ARHGAP8: variants seen among roughly 807,000 people sequenced by gnomAD.
ARHGAP8 encodes rho GTPase-activating protein 8.
In ARHGAP8, 62 loss-of-function variants were observed where a neutral mutation model predicts 46.1. The observed-to-expected ratio is 1.34, with a 90% CI of 1.10 to 1.66. The LOEUF (loss-of-function observed/expected upper bound fraction) is 1.66, where lower values mean the gene tolerates loss of function less well. Among genes scored for constraint, ARHGAP8 ranks in the 40% most tolerant of loss-of-function variants. The pLI, the probability that ARHGAP8 is intolerant of heterozygous loss-of-function variation, is 0.00. For missense variants in ARHGAP8, 923 were observed against 568.4 expected, an observed-to-expected ratio of 1.62 and a Z score of -6.34; for synonymous variants, 375 against 243.1, an observed-to-expected ratio of 1.54 and a Z score of -5.05.
At chr22:44,809,450 T>G (rs1381367334) in intron 4 of ARHGAP8, 6 of 351,254 alleles carry the variant, frequency 1.7e-5, no homozygotes, top group African/African-American at 1.3e-4. Flanking sequence ...AGCCTCTTCT[T>G]GCTTTCACAG....
chr22:44,854,098 G>A (rs2070163468), intron 10 of ARHGAP8, among the ~76,000 whole-genome samples: 2 of 139,698 alleles, frequency 1.4e-5, no homozygotes, highest in South Asian at 4.8e-4. Context: ...GTAGATTTGA[G>A]AGAATTCCTC....
chr22:44,861,379 A>G (rs1043396043), intron 11 of ARHGAP8, among the ~76,000 whole-genome samples: 1 of 152,184 alleles, frequency 6.6e-6, no homozygotes, highest in Non-Finnish European at 1.5e-5. Flanking sequence ...TTATCACCCC[A>G]GTGGCACCTG....
At chr22:44,816,996 C>T (rs140948730) in intron 5 of ARHGAP8, among the ~76,000 whole-genome samples, 2,785 of 151,802 alleles carry the variant, frequency 0.018, 95 homozygotes, top group African/African-American at 0.064. Context: ...AGCGATTCTC[C>T]TGCCTCAGCC....
At chr22:44,835,400 A>G (rs1411568236) in intron 7 of ARHGAP8, among the ~76,000 whole-genome samples, 5 of 152,076 alleles carry the variant, frequency 3.3e-5, no homozygotes, top group Non-Finnish European at 2.9e-5. Flanking sequence ...TGGGCGGATC[A>G]CGAGATCGAG....
At chr22:44,861,071 T>C (rs888500511) in intron 11 of ARHGAP8, among the ~76,000 whole-genome samples, 1 of 152,202 alleles carries the variant, frequency 6.6e-6, no homozygotes, top group African/African-American at 2.4e-5. Flanking sequence ...TGGTGCAATC[T>C]CAGCTCACTG....
chr22:44,807,403 G>A (rs756538257), intron 3 of ARHGAP8, among the ~76,000 whole-genome samples: 1 of 150,838 alleles, frequency 6.6e-6, no homozygotes, highest in Non-Finnish European at 1.5e-5. Context: ...ACACCATAGG[G>A]GGTGGCGGGC....
At chr22:44,772,313 A>G (rs1302795941) in intron 1 of ARHGAP8, among the ~76,000 whole-genome samples, 1 of 128,918 alleles carries the variant, frequency 7.8e-6, no homozygotes, top group African/African-American at 2.9e-5. Flanking sequence ...GCTCACTGCA[A>G]ACTACACTGA....
intron 1 of ARHGAP8, among the ~76,000 whole-genome samples, chr22:44,760,079 T>C (rs1355112496): frequency 6.6e-6 from 1 of 152,232 alleles, no homozygotes. Context: ...GACAAGGTCC[T>C]GATGCAGGTC....
At chr22:44,786,629 T>C (rs1170141620) in intron 2 of ARHGAP8, 23 bp downstream of exon 2, 1 of 1,608,470 alleles carries the variant, frequency 6.2e-7, no homozygotes, top group East Asian at 2.2e-5. Flanking sequence ...CTGGGCAGTC[T>C]GCAGGACCAT....
intron 5 of ARHGAP8, among the ~76,000 whole-genome samples, chr22:44,818,277 C>G (rs936442988): frequency 6.6e-6 from 1 of 151,958 alleles, no homozygotes; most frequent in Non-Finnish European, 1.5e-5. Context: ...GGTGAAACCC[C>G]GTCTCTACTA....
intron 2 of ARHGAP8, among the ~76,000 whole-genome samples, chr22:44,795,922 C>G (rs1928052850): frequency 6.6e-6 from 1 of 152,160 alleles, no homozygotes; most frequent in Non-Finnish European, 1.5e-5. Flanking sequence ...CCTCCTGTGT[C>G]CTCTCCCCTG....
At chr22:44,859,550 A>C (rs1445873898) in intron 10 of ARHGAP8, 181 bp from the exon 11 acceptor site, 1 of 628,420 alleles carries the variant, frequency 1.6e-6, no homozygotes, top group East Asian at 2.8e-5. Context: ...AGAATAGCCA[A>C]ACACACAGGT....
Position 44,767,236 on chromosome 22 carries a change from C to T in ARHGAP8, c.-72+14609C>T, listed in dbSNP as rs745343708. Among the ~76,000 whole-genome samples, 8 of 152,222 alleles carry T rather than the reference C, an allele frequency of 5.3e-5. No individual in the cohort carries two copies. The South Asian group carries it at 6.2e-4, about 12-fold the overall frequency. On this transcript the variant is annotated intron_variant, in intron 1 of 11. Transcript: ENST00000356099. Reference sequence around the variant, plus strand: ...GCTCCCTCCCTCCTTCCCGCTTTCCCGTGACTACAGAAACATTTCAGAAAT... The same window carrying T: ...GCTCCCTCCCTCCTTCCCGCTTTCCTGTGACTACAGAAACATTTCAGAAAT...
At chr22:44,752,676 C>T (rs1198916177) in intron 1 of ARHGAP8, 49 bp downstream of exon 1, 4 of 24,588 alleles carry the variant, frequency 1.6e-4, no homozygotes, top group Non-Finnish European at 2.4e-4. Context: ...AGGCCGTGCT[C>T]GGGGTGGGGG....
rs1455877086 is a variant in ARHGAP8 at position 44,786,610 on chromosome 22, G to C, written c.79+4G>C. 1 of 1,612,522 alleles carries C rather than the reference G, an allele frequency of 6.2e-7. No individual in the cohort carries two copies. Among genetic ancestry groups the C allele is most frequent in the East Asian group, 2.2e-5 (1 of 44,834 alleles). ...CATGGCATTCTGCAGGTGGCAGGTA[G>C]GGCCCCAGCTGGGCAGTCTGCAGGA... is the stretch of plus-strand genomic sequence containing the variant. On this transcript the variant is annotated splice_donor_region_variant and intron_variant, in intron 2 of 11. Coordinates refer to ENST00000356099, the MANE Select transcript of ARHGAP8 (RefSeq NM_181335.3).
At chr22:44,753,995 T>G (rs1446211952) in intron 1 of ARHGAP8, among the ~76,000 whole-genome samples, 2 of 152,166 alleles carry the variant, frequency 1.3e-5, no homozygotes, top group East Asian at 3.9e-4. Flanking sequence ...TGACTAACCA[T>G]TCCCCAAACC....
chr22:44,758,111 G>C (rs1437084445), intron 1 of ARHGAP8, among the ~76,000 whole-genome samples: 1 of 152,106 alleles, frequency 6.6e-6, no homozygotes, highest in Admixed American at 6.5e-5. Context: ...TGCAGGGAGG[G>C]CAGGTCTCTT....
At chr22:44,775,591 G>A (rs1024693431) in intron 1 of ARHGAP8, among the ~76,000 whole-genome samples, 3 of 152,114 alleles carry the variant, frequency 2.0e-5, no homozygotes, top group African/African-American at 7.2e-5. Flanking sequence ...GGGATTACAG[G>A]CATGTGCCAC....
At chr22:44,803,063 T>C (rs959603904) in intron 3 of ARHGAP8, among the ~76,000 whole-genome samples, 4 of 152,036 alleles carry the variant, frequency 2.6e-5, no homozygotes, top group Admixed American at 2.6e-4. Flanking sequence ...ATGTGAGACT[T>C]TGGATAGATA....
Sources: gnomAD v4.1 joint callset for allele counts (sites outside exome capture counted in the v4.1 genomes callset) on GRCh38, gnomAD v4.1.1 for gene constraint, MANE v1.5 for transcripts, NCBI Gene and HGNC (gene_info 2026-07-23, HGNC 2026-07-21) for gene names.